DRC3: variants seen among roughly 807,000 people sequenced by gnomAD.
The protein encoded by DRC3 is leucine rich repeat containing 48.
Under a neutral mutation model 57.6 loss-of-function variants are expected in DRC3, and 45 were observed. The ratio of observed to expected loss-of-function variants is 0.78; its 90% CI spans 0.62 to 1.00. DRC3 has a LOEUF of 1.00. Among genes scored for constraint, DRC3 ranks in the 50% least tolerant of loss-of-function variants. The pLI is 0.00. For synonymous variants in DRC3, 257 were observed against 272.3 expected (o/e 0.94, Z 0.55); for missense variants, 655 against 675.2 (o/e 0.97, Z 0.33).
At chr17:17,994,052 C>A in intron 6 of DRC3, 1 of 432,446 alleles carries the variant, frequency 2.3e-6, no homozygotes, top group Non-Finnish European at 4.2e-6. Context: ...CCCCAGCCTG[C>A]CACGCTGCCT....
intron 3 of DRC3, chr17:17,977,970 C>T: frequency 2.1e-6 from 1 of 474,482 alleles, no homozygotes; most frequent in Non-Finnish European, 3.7e-6. Flanking sequence ...CCACGACGCT[C>T]CGGATTCTGA....
At chr17:17,980,884 C>T (rs1687236598) in intron 3 of DRC3, among the ~76,000 whole-genome samples, 1 of 152,208 alleles carries the variant, frequency 6.6e-6, no homozygotes, top group African/African-American at 2.4e-5. Flanking sequence ...TGAGCCACCG[C>T]ACCTAGCCAC....
intron 3 of DRC3, among the ~76,000 whole-genome samples, chr17:17,978,278 C>A (rs1327008950): frequency 1.3e-5 from 2 of 152,150 alleles, no homozygotes; most frequent in Non-Finnish European, 2.9e-5. Flanking sequence ...GGCTCAGGAC[C>A]AGGCGGACCC....
At chr17:17,992,671 C>G (rs2145325488) in intron 5 of DRC3, 94 bp from the exon 6 acceptor site, 1 of 1,368,170 alleles carries the variant, frequency 7.3e-7, no homozygotes, top group East Asian at 2.5e-5. Context: ...TGTGGCCAGG[C>G]TGACTCTGAA....
chr17:17,976,869 G>C (rs2145184767), intron 2 of DRC3, among the ~76,000 whole-genome samples: 1 of 152,176 alleles, frequency 6.6e-6, no homozygotes, highest in South Asian at 2.1e-4. Context: ...CTGATTCCCA[G>C]GTTCCCATCT....
chr17:17,979,385 C>T (rs978079599), intron 3 of DRC3, among the ~76,000 whole-genome samples: 12 of 151,248 alleles, frequency 7.9e-5, no homozygotes, highest in Non-Finnish European at 1.2e-4. Flanking sequence ...CTGCTGGCTG[C>T]GTGAGGATAG....
At chr17:17,997,438 G>T in intron 8 of DRC3, 22 bp from the exon 9 acceptor site, 1 of 1,611,100 alleles carries the variant, frequency 6.2e-7, no homozygotes, top group South Asian at 1.1e-5. Flanking sequence ...AACAGCTGTG[G>T]GCTTCCTTAA....
intron 3 of DRC3, among the ~76,000 whole-genome samples, chr17:17,980,349 C>CAGT (rs985595997): frequency 6.6e-6 from 1 of 150,794 alleles, no homozygotes; most frequent in Admixed American, 6.6e-5. Context: ...TGCTAGAGTG[C>CAGT]AGTAGTGCGA....
intron 12 of DRC3, among the ~76,000 whole-genome samples, chr17:18,013,766 C>T (rs2044252219): frequency 6.6e-6 from 1 of 152,006 alleles, no homozygotes; most frequent in African/African-American, 2.4e-5. Context: ...AATATAGTTT[C>T]AAATAGCTAA....
At position 17,997,523 on chromosome 17, in the gene DRC3, G is replaced by A; in HGVS notation, c.888G>A (p.Glu296=). ...NIFEYGLKQQ[E]KRKTELDTFS... is the part of the protein sequence containing the mutation. ...TTGAGTATGGCCTGAAACAGCAGGA[G>A]AAGCGGAAAACAGAGCTTGACACCT... The change falls in exon 9 of 14, where the codon GAG becomes GAA. Residue 296 remains glutamate (E), a synonymous_variant. Coordinates refer to ENST00000399187, the MANE Select transcript of DRC3 (RefSeq NM_031294.4). 1.2e-6 allele frequency: 2 copies of A among 1,611,980 alleles called. No individual in the cohort carries two copies. Among genetic ancestry groups the A allele is most frequent in the Non-Finnish European group, 1.7e-6 (2 of 1,179,130 alleles).
At chr17:17,979,940 G>T (rs560582486) in intron 3 of DRC3, among the ~76,000 whole-genome samples, 22 of 151,720 alleles carry the variant, frequency 1.5e-4, no homozygotes, top group African/African-American at 5.3e-4. Flanking sequence ...TCCGGCTCTA[G>T]GGGAAGGGCA....
At chr17:17,995,321 GTGTAGTATCTGGTCAGCA>G (rs2043414889) in intron 8 of DRC3, among the ~76,000 whole-genome samples, 1 of 152,256 alleles carries the variant, frequency 6.6e-6, no homozygotes, top group Admixed American at 6.5e-5. Flanking sequence ...TCAGGGACAT[GTGTAGTATCTGGTCAGCA>G]TGGCATGGGC....
At chr17:17,994,211 A>G in intron 6 of DRC3, 88 bp from the exon 7 acceptor site, 2 of 1,494,270 alleles carry the variant, frequency 1.3e-6, no homozygotes, top group African/African-American at 1.5e-5. Context: ...CATGCGCGGG[A>G]GGCTGCAGCA....
chr17:18,016,249 T>C, intron 13 of DRC3, 54 bp downstream of exon 13: 3 of 1,585,328 alleles, frequency 1.9e-6, no homozygotes, highest in Non-Finnish European at 2.6e-6. Context: ...CTAGCTGACA[T>C]GGAAATCCTC....
Position 18,008,480 on chromosome 17 carries a change from A to C in DRC3, c.1326+1333A>C, listed in dbSNP as rs1239297967. Among the ~76,000 whole-genome samples the C allele has an allele frequency of 6.6e-6, 1 of 152,222 alleles. No homozygotes were observed. Among genetic ancestry groups the C allele is most frequent in the Non-Finnish European group, 1.5e-5 (1 of 68,040 alleles). ...CCCCTCAGTACCAGCAACAGTGTACAACATGCAGCACAGATGCCAGGCATC... is the reference window on the plus strand; with the variant it reads ...CCCCTCAGTACCAGCAACAGTGTACCACATGCAGCACAGATGCCAGGCATC... On this transcript the variant is annotated intron_variant, in intron 12 of 13. Coordinates refer to ENST00000399187, the MANE Select transcript of DRC3 (RefSeq NM_031294.4). The surrounding 1 kb of genome is among the most constrained non-coding windows in gnomAD (Gnocchi z 4.3).
intron 9 of DRC3, among the ~76,000 whole-genome samples, chr17:17,999,932 G>A (rs902099792): frequency 1.9e-4 from 29 of 152,008 alleles, no homozygotes; most frequent in African/African-American, 6.3e-4. Context: ...GTGTGTGTGC[G>A]TGCGTGCACA....
At chr17:18,006,360 C>T (rs1476585184) in intron 11 of DRC3, 107 bp downstream of exon 11, 2 of 789,574 alleles carry the variant, frequency 2.5e-6, no homozygotes, top group Non-Finnish European at 4.3e-6. Context: ...GGAGGTTTCC[C>T]GACCCTCAGA....
intron 12 of DRC3, among the ~76,000 whole-genome samples, chr17:18,014,872 A>G (rs1365485325): frequency 1.3e-5 from 2 of 152,202 alleles, no homozygotes; most frequent in Non-Finnish European, 2.9e-5. Flanking sequence ...CACACATGGA[A>G]AGAACTTAAT....
chr17:17,977,492 A>T, intron 2 of DRC3, 90 bp from the exon 3 acceptor site: 1 of 1,477,298 alleles, frequency 6.8e-7, no homozygotes, highest in Non-Finnish European at 9.4e-7. Context: ...GCCAGTGGCC[A>T]CAAGACACTA....
Sources: allele counts gnomAD v4.1 joint callset (sites outside exome capture counted in the v4.1 genomes callset), GRCh38; gene constraint gnomAD v4.1.1; non-coding constraint Gnocchi (gnomAD v3.1); transcripts MANE v1.5; gene names NCBI Gene and HGNC (gene_info 2026-07-23, HGNC 2026-07-21).